Variants in PRKCI observed in about 807,000 individuals in gnomAD.
PRKCI encodes the protein protein kinase C iota, also known as protein kinase C iota type.
Under a neutral mutation model 84.0 loss-of-function variants are expected in PRKCI, and 43 were observed. The observed-to-expected ratio is 0.51, with a 90% CI of 0.40 to 0.66. PRKCI has a LOEUF of 0.66. Among genes scored for constraint, PRKCI ranks in the 30% least tolerant of loss-of-function variants. PRKCI has a pLI of 0.00. For synonymous variants in PRKCI, 216 were observed against 234.4 expected (o/e 0.92, Z 0.72); for missense variants, 459 against 745.6 (o/e 0.62, Z 4.48).
At chr3:170,230,769 A>G (rs1392859632) in intron 1 of PRKCI, among the ~76,000 whole-genome samples, 3 of 152,036 alleles carry the variant, frequency 2.0e-5, no homozygotes, top group Admixed American at 6.6e-5. Flanking sequence ...TCCTTTCACC[A>G]CTGATTTGAA....
chr3:170,252,848 T>A (rs1022196800), intron 2 of PRKCI, among the ~76,000 whole-genome samples: 2 of 152,124 alleles, frequency 1.3e-5, no homozygotes, highest in African/African-American at 4.8e-5. Flanking sequence ...TCTGTGTGAG[T>A]ATAGTTTTGT....
intron 3 of PRKCI, 37 bp downstream of exon 3, chr3:170,260,095 T>G: frequency 7.4e-7 from 1 of 1,347,624 alleles, no homozygotes; most frequent in South Asian, 1.2e-5. Context: ...TCCAGACTGA[T>G]AATTTCTTTG....
At chr3:170,282,820 G>A (rs1734284463) in intron 11 of PRKCI, among the ~76,000 whole-genome samples, 3 of 149,632 alleles carry the variant, frequency 2.0e-5, no homozygotes, top group African/African-American at 7.4e-5. Context: ...AAATAATATC[G>A]AATAGGCCAG....
chr3:170,261,981 C>CTA (rs1227561704), intron 3 of PRKCI, among the ~76,000 whole-genome samples: 1 of 152,168 alleles, frequency 6.6e-6, no homozygotes, highest in African/African-American at 2.4e-5. Flanking sequence ...CCTTTTAATA[C>CTA]TACATCACAG....
At chr3:170,287,708 G>T (rs940893502) in intron 12 of PRKCI, among the ~76,000 whole-genome samples, 1 of 151,606 alleles carries the variant, frequency 6.6e-6, no homozygotes, top group African/African-American at 2.4e-5. Context: ...TCAGGAGTTT[G>T]AGACCAGCCT....
chr3:170,222,547 TG>T lies in PRKCI; in HGVS notation c.-120del. ...CCTTGGGTCGGCGCTGCGGGCGAGG[TG>T]GGCAGGTAGGTGGGCGGACGGCCGC... is the stretch of plus-strand genomic sequence containing the variant. On this transcript the variant is annotated 5_prime_UTR_variant, in exon 1 of 18. Coordinates refer to ENST00000295797, the MANE Select transcript of PRKCI (RefSeq NM_002740.6). The T allele has an allele frequency of 2.5e-6, 2 of 800,752 alleles. No individual in the cohort carries two copies. Among genetic ancestry groups the T allele is most frequent in the Non-Finnish European group, 3.7e-6 (2 of 545,998 alleles). The allele number at this position is 800,752 out of a possible 1,614,324, so 49.6% of individuals were successfully genotyped here. A position where few individuals can be genotyped will look rare whatever the true frequency, so the allele number is the denominator to read the frequency against.
intron 1 of PRKCI, among the ~76,000 whole-genome samples, chr3:170,223,995 C>T (rs1369300433): frequency 6.6e-6 from 1 of 151,728 alleles, no homozygotes; most frequent in Non-Finnish European, 1.5e-5. Flanking sequence ...TATACATGTG[C>T]CATACTGGTG....
chr3:170,259,865 A>G (rs2108848352), intron 2 of PRKCI, 104 bp from the exon 3 acceptor site: 1 of 529,506 alleles, frequency 1.9e-6, no homozygotes, highest in South Asian at 3.6e-5. Flanking sequence ...TTGTTTATAA[A>G]TATGAGATTA....
chr3:170,250,233 A>G (rs1577349840), intron 2 of PRKCI, among the ~76,000 whole-genome samples: 1 of 150,404 alleles, frequency 6.6e-6, no homozygotes, highest in Non-Finnish European at 1.5e-5. Context: ...AGGTGTCACC[A>G]CCACACTCCA....
chr3:170,237,026 A>G (rs569999764), intron 2 of PRKCI, among the ~76,000 whole-genome samples: 2 of 152,228 alleles, frequency 1.3e-5, no homozygotes, highest in African/African-American at 4.8e-5. Flanking sequence ...GCCTTGAGGA[A>G]TACAAAGGAA....
intron 8 of PRKCI, among the ~76,000 whole-genome samples, chr3:170,275,917 C>T (rs1734102056): frequency 1.3e-5 from 2 of 150,006 alleles, no homozygotes; most frequent in Non-Finnish European, 1.5e-5. Context: ...ACTGCCTCCT[C>T]TCTTTCCCGT....
At position 170,299,031 on chromosome 3, in the gene PRKCI, A is replaced by G. The variant is rs369277385; in HGVS notation, c.1624A>G (p.Asn542Asp). ...ACAGGTGGTACCTCCCTTTAAACCA[A>G]ATATTTCTGGGGAATTTGGTTTGGA... ...QKQVVPPFKP[N>D]ISGEFGLDNF... is the part of the protein sequence containing the mutation. Residue 542 changes from asparagine to aspartate, a missense_variant, in exon 17 of 18, where the codon AAT becomes GAT. Asn to Asp is a conservative substitution (Grantham distance 23, BLOSUM62 1). This residue lies in a region of PRKCI where 209 missense variants were observed against 425.9 expected (regional missense o/e 0.49). Transcript: ENST00000295797. 3 of 1,613,342 alleles carry G rather than the reference A, an allele frequency of 1.9e-6. No homozygotes were observed. Among genetic ancestry groups the G allele is most frequent in the Admixed American group, 1.7e-5 (1 of 59,976 alleles).
chr3:170,236,193 C>G (rs762567692), intron 2 of PRKCI, among the ~76,000 whole-genome samples: 7 of 151,890 alleles, frequency 4.6e-5, no homozygotes, highest in Non-Finnish European at 1.0e-4. Context: ...CCTCCGCCTC[C>G]AAGGTTCAAG....
chr3:170,304,521 T>C lies in PRKCI; in HGVS notation c.*1394T>C, dbSNP rs535123724. On this transcript the variant is annotated 3_prime_UTR_variant, in exon 18 of 18. Coordinates refer to ENST00000295797, the MANE Select transcript of PRKCI (RefSeq NM_002740.6). ...TATATGATTGGACCCTTTAGTGAAA[T>C]CAGAAAAATAAAGTAGGCATGAATA... is the stretch of plus-strand genomic sequence containing the variant. 1.3e-5 allele frequency: 2 copies of C among 152,222 alleles called. No homozygotes were observed. Among genetic ancestry groups the C allele is most frequent in the East Asian group, 3.9e-4 (2 of 5,188 alleles). 9.4% of individuals were successfully genotyped at this position (152,222 alleles called of 1,614,324 possible).
At chr3:170,267,763 G>T in intron 4 of PRKCI, 152 bp from the exon 5 acceptor site, 1 of 469,910 alleles carries the variant, frequency 2.1e-6, no homozygotes. Context: ...TTGGTCCCTT[G>T]ATGAATCTAT....
chr3:170,246,503 A>G (rs373415795), intron 2 of PRKCI, among the ~76,000 whole-genome samples: 99 of 152,046 alleles, frequency 6.5e-4, no homozygotes, highest in African/African-American at 2.3e-3. Flanking sequence ...TATGTTGCCC[A>G]GGCTGGTCTC....
chr3:170,289,272 T>C (rs1299534961), intron 12 of PRKCI, among the ~76,000 whole-genome samples: 1 of 152,250 alleles, frequency 6.6e-6, no homozygotes, highest in East Asian at 1.9e-4. Context: ...TTTCTAAAAA[T>C]AGCATATAAT....
At position 170,222,580 on chromosome 3, in the gene PRKCI, C is replaced by G. The variant is rs896657283; in HGVS notation, c.-90C>G. The G allele has an allele frequency of 3.4e-6, 4 of 1,179,790 alleles. No individual in the cohort carries two copies. The highest frequency in any genetic ancestry group is 3.2e-5 in the African/African-American group (2 of 62,204). 73.1% of individuals were successfully genotyped at this position (1,179,790 alleles called of 1,614,324 possible). A position where few individuals can be genotyped will look rare whatever the true frequency, so the allele number is the denominator to read the frequency against. On this transcript the variant is annotated 5_prime_UTR_variant, in exon 1 of 18. Coordinates refer to ENST00000295797, the MANE Select transcript of PRKCI (RefSeq NM_002740.6). ...TAGGTGGGCGGACGGCCGCGGTTCT[C>G]CGGCAAGCGCAGGCGGCGGAGTCCC...
intron 2 of PRKCI, among the ~76,000 whole-genome samples, chr3:170,239,475 TTCAG>T (rs1339198141): frequency 6.6e-6 from 1 of 152,216 alleles, no homozygotes; most frequent in African/African-American, 2.4e-5. Flanking sequence ...AGAGTTGTTT[TTCAG>T]TCAATGATTT....
Sources: gnomAD v4.1 joint callset for allele counts (sites outside exome capture counted in the v4.1 genomes callset) on GRCh38, gnomAD v4.1.1 for gene constraint, gnomAD v4.1.1 regional missense constraint, MANE v1.5 for transcripts, NCBI Gene and HGNC (gene_info 2026-07-23, HGNC 2026-07-21) for gene names.